The following SLC39A8 variants were observed in gnomAD, a reference collection of about 807,000 sequenced individuals.
The protein encoded by SLC39A8 is metal cation symporter ZIP8.
In SLC39A8, 15 loss-of-function variants were observed where a neutral mutation model predicts 40.4. The ratio of observed to expected loss-of-function variants is 0.37; its 90% CI spans 0.25 to 0.57. The LOEUF (loss-of-function observed/expected upper bound fraction) is 0.57, where lower values mean the gene tolerates loss of function less well. SLC39A8 is among the 20% of genes least tolerant of loss of function. The pLI is 0.75. For synonymous variants in SLC39A8, 223 were observed against 221.6 expected (o/e 1.01, Z -0.06); for missense variants, 472 against 558.8 (o/e 0.84, Z 1.57).
chr4:102,271,149 CAG>C (rs748207616), intron 6 of SLC39A8, among the ~76,000 whole-genome samples: 14 of 151,460 alleles, frequency 9.2e-5, no homozygotes, highest in Non-Finnish European at 1.5e-4. Flanking sequence ...AAAAGGAAAA[CAG>C]GGAGAACAAG....
intron 2 of SLC39A8, among the ~76,000 whole-genome samples, chr4:102,320,228 A>C: frequency 7.5e-6 from 1 of 132,902 alleles, no homozygotes; most frequent in Non-Finnish European, 1.6e-5. Context: ...TATATGTATG[A>C]GTATATATAT....
intron 2 of SLC39A8, among the ~76,000 whole-genome samples, chr4:102,336,259 T>C (rs946342779): frequency 6.6e-6 from 1 of 152,348 alleles, no homozygotes; most frequent in Non-Finnish European, 1.5e-5. Context: ...GCTCTTTTTT[T>C]CTCAATTTAC....
intron 2 of SLC39A8, among the ~76,000 whole-genome samples, chr4:102,343,699 A>C (rs994672191): frequency 1.3e-5 from 2 of 152,228 alleles, no homozygotes; most frequent in East Asian, 1.9e-4. Flanking sequence ...GTTTACAAAG[A>C]GGTATGATGT....
intron 6 of SLC39A8, among the ~76,000 whole-genome samples, chr4:102,279,950 C>T (rs985403438): frequency 3.9e-5 from 6 of 152,152 alleles, no homozygotes; most frequent in Admixed American, 1.3e-4. Flanking sequence ...ATCCGCTTTC[C>T]GCTCTTCTTT....
intron 2 of SLC39A8, among the ~76,000 whole-genome samples, chr4:102,326,433 C>T (rs1735205754): frequency 2.0e-5 from 3 of 152,106 alleles, no homozygotes; most frequent in African/African-American, 4.8e-5. Context: ...TCGTGGCGGG[C>T]GCCTGTAGTC....
At chr4:102,261,361 T>C (rs1731845376), downstream of SLC39A8, among the ~76,000 whole-genome samples, 1 of 152,180 alleles carries the variant, frequency 6.6e-6, no homozygotes, top group Non-Finnish European at 1.5e-5. Flanking sequence ...TCTCAACTAG[T>C]TCACTTTTTA....
intron 2 of SLC39A8, among the ~76,000 whole-genome samples, chr4:102,330,393 C>T (rs965671018): frequency 6.6e-6 from 1 of 152,124 alleles, no homozygotes; most frequent in Non-Finnish European, 1.5e-5. Flanking sequence ...ACTATAAACA[C>T]CTCAACGCAA....
At chr4:102,305,519 A>T (rs1734130489) in intron 4 of SLC39A8, among the ~76,000 whole-genome samples, 1 of 152,052 alleles carries the variant, frequency 6.6e-6, no homozygotes, top group African/African-American at 2.4e-5. Context: ...GTAATATATT[A>T]GTCCATGATA....
At chr4:102,337,736 G>A (rs532639360) in intron 2 of SLC39A8, among the ~76,000 whole-genome samples, 6 of 152,256 alleles carry the variant, frequency 3.9e-5, no homozygotes, top group East Asian at 3.9e-4. Context: ...TTCATTGGCC[G>A]AAAACTTCTA....
At chr4:102,272,552 C>T (rs1560529869) in intron 6 of SLC39A8, among the ~76,000 whole-genome samples, 1 of 152,098 alleles carries the variant, frequency 6.6e-6, no homozygotes, top group Non-Finnish European at 1.5e-5. Context: ...CCACTGCACT[C>T]CAGCTGGGCG....
Position 102,344,763 on chromosome 4 carries a change from C to A in SLC39A8, c.-101G>T. 2.3e-6 allele frequency: 3 copies of A among 1,328,752 alleles called. No individual in the cohort carries two copies. Among genetic ancestry groups the A allele is most frequent in the Middle Eastern group, 2.8e-4 (1 of 3,572 alleles). The allele number at this position is 1,328,752 out of a possible 1,614,324, so 82.3% of individuals were successfully genotyped here. Reference sequence around the variant, plus strand: ...TTGCCCAAGGGCGGGAGCGTCAGTGCTCGGCGCTGCTCCGAGTCAGAGGTG... The same window carrying A: ...TTGCCCAAGGGCGGGAGCGTCAGTGATCGGCGCTGCTCCGAGTCAGAGGTG... On this transcript the variant is annotated 5_prime_UTR_variant, in exon 2 of 9. Transcript: ENST00000356736.
chr4:102,311,976 G>C (rs980394180), intron 3 of SLC39A8, among the ~76,000 whole-genome samples: 6 of 152,044 alleles, frequency 3.9e-5, no homozygotes, highest in Non-Finnish European at 7.4e-5. Context: ...AGGGAATGTG[G>C]TGAACCTATG....
intron 2 of SLC39A8, among the ~76,000 whole-genome samples, chr4:102,326,385 C>A (rs1735203112): frequency 6.6e-6 from 1 of 152,088 alleles, no homozygotes; most frequent in Admixed American, 6.5e-5. Context: ...CACGGTGAAA[C>A]CCCGTCTCTA....
chr4:102,268,989 C>A (rs577098253), intron 6 of SLC39A8, among the ~76,000 whole-genome samples: 1 of 152,240 alleles, frequency 6.6e-6, no homozygotes, highest in Non-Finnish European at 1.5e-5. Context: ...ATTCCTAATT[C>A]TCCTCCTCTC....
Position 102,282,887 on chromosome 4 carries a change from T to C in SLC39A8, c.841-14808A>G, listed in dbSNP as rs950386989. Reference sequence around the variant, plus strand: ...GACTACAGGTGCGTGCCACCATGCCTGGCTAATTTTTTGTATTTTTAGTAG... The same window carrying C: ...GACTACAGGTGCGTGCCACCATGCCCGGCTAATTTTTTGTATTTTTAGTAG... On this transcript the variant is annotated intron_variant, in intron 6 of 8. Coordinates refer to ENST00000356736, the MANE Select transcript of SLC39A8 (RefSeq NM_001135146.2). 4.6e-5 allele frequency among the ~76,000 whole-genome samples: 7 copies of C among 152,134 alleles called. No homozygotes were observed. The East Asian group carries it at 1.2e-3, about 25-fold the overall frequency.
At chr4:102,329,555 G>A (rs1735356597) in intron 2 of SLC39A8, among the ~76,000 whole-genome samples, 1 of 151,170 alleles carries the variant, frequency 6.6e-6, no homozygotes, top group Non-Finnish European at 1.5e-5. Context: ...CCTGGAAGAT[G>A]GAGGTTGCAG....
intron 2 of SLC39A8, among the ~76,000 whole-genome samples, chr4:102,339,129 C>T (rs376000727): frequency 3.3e-4 from 50 of 152,206 alleles, no homozygotes; most frequent in African/African-American, 1.2e-3. Context: ...GAAATACAAT[C>T]AACACACTGT....
intron 6 of SLC39A8, among the ~76,000 whole-genome samples, chr4:102,284,491 T>G (rs952779408): frequency 6.6e-6 from 1 of 152,132 alleles, no homozygotes; most frequent in Non-Finnish European, 1.5e-5. Flanking sequence ...ACTGAATAGA[T>G]GAGAAGAAAA....
intron 2 of SLC39A8, among the ~76,000 whole-genome samples, chr4:102,321,153 C>T (rs1372971751): frequency 2.0e-5 from 3 of 151,758 alleles, no homozygotes; most frequent in African/African-American, 4.8e-5. Flanking sequence ...ACATGAAGGT[C>T]TATAAAACCA....
Sources: allele counts gnomAD v4.1 joint callset (sites outside exome capture counted in the v4.1 genomes callset), GRCh38; gene constraint gnomAD v4.1.1; transcripts MANE v1.5; gene names NCBI Gene and HGNC (gene_info 2026-07-23, HGNC 2026-07-21).